RARS2: variants seen among roughly 807,000 people sequenced by gnomAD.
RARS2 encodes probable arginine--tRNA ligase, mitochondrial.
Under a neutral mutation model 88.5 loss-of-function variants are expected in RARS2, and 67 were observed. That is an observed-to-expected ratio of 0.76 (90% confidence interval 0.62 to 0.93). The LOEUF is 0.93. Among genes scored for constraint, RARS2 ranks in the 40% least tolerant of loss-of-function variants. The pLI is 0.00. For synonymous variants in RARS2, 239 were observed against 230.3 expected (o/e 1.04, Z -0.34); for missense variants, 664 against 684.2 (o/e 0.97, Z 0.33).
intron 1 of RARS2, among the ~76,000 whole-genome samples, chr6:87,570,943 A>T (rs1769491336): frequency 6.6e-6 from 1 of 152,184 alleles, no homozygotes; most frequent in Non-Finnish European, 1.5e-5. Context: ...CCCTCATTTT[A>T]TAAATGATGA....
At chr6:87,516,415 T>G (rs1160334860) in intron 18 of RARS2, among the ~76,000 whole-genome samples, 2 of 152,184 alleles carry the variant, frequency 1.3e-5, no homozygotes, top group Non-Finnish European at 2.9e-5. Context: ...TAAAATGTAT[T>G]ATTACGTTCT....
At chr6:87,529,174 TTAAA>T (rs1776669787) in intron 10 of RARS2, among the ~76,000 whole-genome samples, 1 of 152,224 alleles carries the variant, frequency 6.6e-6, no homozygotes. Flanking sequence ...ACACACTGCC[TTAAA>T]TATTTTTTGA....
At chr6:87,548,283 C>A (rs1262140078) in intron 6 of RARS2, among the ~76,000 whole-genome samples, 1 of 152,110 alleles carries the variant, frequency 6.6e-6, no homozygotes, top group Non-Finnish European at 1.5e-5. Context: ...CCCCACATAA[C>A]TATTTTTACT....
chr6:87,581,773 C>T lies in RARS2; in HGVS notation c.36+8149G>A, dbSNP rs1210429574. On this transcript the variant is annotated intron_variant, in intron 1 of 19. Transcript: ENST00000369536. ...CTCTTCCCACCCCACCCCCAACAAA[C>T]GCTGGTGTGTGTTCTTCCCCTCCCC... 4.6e-5 allele frequency among the ~76,000 whole-genome samples: 7 copies of T among 152,178 alleles called. No homozygotes were observed. The East Asian group carries it at 7.7e-4, about 17-fold the overall frequency.
At chr6:87,551,388 G>A (rs1008182777) in intron 5 of RARS2, among the ~76,000 whole-genome samples, 3 of 151,952 alleles carry the variant, frequency 2.0e-5, no homozygotes, top group African/African-American at 7.3e-5. Context: ...CATTTTGGGA[G>A]GCCGAGCTGG....
intron 7 of RARS2, among the ~76,000 whole-genome samples, chr6:87,542,332 A>AT (rs1296614217): frequency 6.6e-6 from 1 of 152,222 alleles, no homozygotes; most frequent in African/African-American, 2.4e-5. Context: ...ATAAACATTT[A>AT]TTAAGCATCT....
intron 18 of RARS2, among the ~76,000 whole-genome samples, chr6:87,516,279 C>T (rs1460057593): frequency 6.6e-6 from 1 of 152,072 alleles, no homozygotes; most frequent in African/African-American, 2.4e-5. Context: ...TTTTCTGTGC[C>T]TCTGCTTAAA....
At chr6:87,547,106 T>C (rs1307673833) in intron 6 of RARS2, among the ~76,000 whole-genome samples, 1 of 152,200 alleles carries the variant, frequency 6.6e-6, no homozygotes, top group East Asian at 1.9e-4. Context: ...TGTTATAAAA[T>C]TGAATGATAT....
intron 4 of RARS2, among the ~76,000 whole-genome samples, chr6:87,562,049 C>G (rs1787998351): frequency 6.6e-6 from 1 of 152,210 alleles, no homozygotes; most frequent in South Asian, 2.1e-4. Flanking sequence ...ATTGCAACCT[C>G]AAACTCCCAG....
At chr6:87,575,274 CACA>C (rs1562252114) in intron 1 of RARS2, among the ~76,000 whole-genome samples, 82 of 145,996 alleles carry the variant, frequency 5.6e-4, no homozygotes, top group Admixed American at 2.0e-3. Flanking sequence ...CACACACACA[CACA>C]CCTTGGCTTC....
chr6:87,531,157 A>G (rs1406256455), intron 8 of RARS2, among the ~76,000 whole-genome samples: 1 of 152,208 alleles, frequency 6.6e-6, no homozygotes, highest in South Asian at 2.1e-4. Flanking sequence ...AAAATAAAAT[A>G]CACAGGGTTA....
rs1279407865 is a variant in RARS2 at position 87,520,181 on chromosome 6, T to C, written c.1111A>G (p.Arg371Gly). 8.1e-6 allele frequency: 13 copies of C among 1,612,642 alleles called. No homozygotes were observed. The highest frequency in any genetic ancestry group is 1.1e-5 in the Non-Finnish European group (13 of 1,178,892). ...AATTAAGAACCATGCAGACATTACC[T>C]TTCTGCCCAGTCATATCCCATGATC... The part of the protein sequence containing the change: ...LKIMGYDWAE[R>G]CQHVPFGVVQ... The change falls in exon 13 of 20, where the codon AGG becomes GGG. Residue 371 changes from arginine to glycine, a missense_variant and splice_region_variant. Arg to Gly is a moderately radical substitution (Grantham distance 125). Transcript: ENST00000369536.
intron 11 of RARS2, among the ~76,000 whole-genome samples, chr6:87,523,789 C>T (rs34220026): frequency 0.064 from 9,686 of 152,242 alleles, 389 homozygotes; most frequent in African/African-American, 0.12. Flanking sequence ...AGTTTATTTA[C>T]TTAATCTATC....
At chr6:87,537,210 G>A (rs994488483) in intron 8 of RARS2, among the ~76,000 whole-genome samples, 1 of 152,244 alleles carries the variant, frequency 6.6e-6, no homozygotes, top group Admixed American at 6.5e-5. Context: ...ATGCCAGAAG[G>A]TTGAAAGTGC....
intron 1 of RARS2, among the ~76,000 whole-genome samples, chr6:87,573,544 G>A (rs1304389316): frequency 1.3e-5 from 2 of 152,190 alleles, no homozygotes; most frequent in South Asian, 2.1e-4. Flanking sequence ...TGGGTAGAGA[G>A]TTTTAGTTGT....
rs772692869 is a variant in RARS2, at chr6:87,589,948, C to T, written c.10G>A (p.Gly4Ser). Residue 4 changes from glycine (G) to serine (S), a missense_variant, in exon 1 of 20, where the codon GGC (glycine) becomes AGC (serine). Physicochemically the swap from Gly to Ser is moderately conservative, Grantham distance 56 (BLOSUM62 0). Transcript: ENST00000369536. The stretch of plus-strand genomic sequence containing the variant: ...TGGCAAGCAATAGCGCGGCGAAAGC[C>T]GCACGCCATGTCCACCTCTACGGAA... MACGFRRAIACQLS... is the reference protein window; with the variant it reads MACSFRRAIACQLS... The T allele has an allele frequency of 6.2e-7, 1 of 1,614,172 alleles. No individual in the cohort carries two copies. The highest frequency in any genetic ancestry group is 1.1e-5 in the South Asian group (1 of 91,090).
chr6:87,548,673 C>T, intron 5 of RARS2, 27 bp from the exon 6 acceptor site: 4 of 1,601,582 alleles, frequency 2.5e-6, no homozygotes, highest in Non-Finnish European at 3.4e-6. Context: ...AAACATTTCT[C>T]TATTCTAAGA....
In RARS2 at chr6:87,525,512, T is replaced by C. The variant is rs369324634; in HGVS notation, c.879-860A>G. The stretch of plus-strand genomic sequence containing the variant: ...AAATGAATTTCATAAAGTTGCAGTA[T>C]AGAAAATCAACATATGAAAATCAGT... On this transcript the variant is annotated intron_variant, in intron 10 of 19. Coordinates refer to ENST00000369536, the MANE Select transcript of RARS2 (RefSeq NM_020320.5). 5.9e-5 allele frequency among the ~76,000 whole-genome samples: 9 copies of C among 151,864 alleles called. No homozygotes were observed. In the East Asian group the frequency reaches 1.4e-3, roughly 23 times the overall value.
chr6:87,514,666 C>G (rs986182831), intron 19 of RARS2, among the ~76,000 whole-genome samples, 167 bp from the exon 20 acceptor site: 4 of 152,208 alleles, frequency 2.6e-5, no homozygotes, highest in African/African-American at 9.6e-5. Context: ...GCATCCCTTA[C>G]AGTAAAACCT....
Sources: allele counts gnomAD v4.1 joint callset (sites outside exome capture counted in the v4.1 genomes callset), GRCh38; gene constraint gnomAD v4.1.1; transcripts MANE v1.5; gene names NCBI Gene and HGNC (gene_info 2026-07-23, HGNC 2026-07-21).